Variants in MECOM observed in about 807,000 individuals in gnomAD.
MECOM encodes histone-lysine N-methyltransferase MECOM.
A neutral mutation model predicts 116.3 loss-of-function variants in MECOM; 13 were observed. The observed-to-expected ratio is 0.11, with a 90% confidence interval of 0.07 to 0.18. MECOM has a LOEUF of 0.18. MECOM is among the 10% of genes least tolerant of loss of function. The pLI is 1.00. For synonymous variants in MECOM, 528 were observed against 535.2 expected (o/e 0.99, Z 0.19); for missense variants, 1,299 against 1,509.0 (o/e 0.86, Z 2.31).
intron 2 of MECOM, among the ~76,000 whole-genome samples, chr3:169,237,471 T>G (rs1033366328): frequency 3.9e-5 from 6 of 152,120 alleles, no homozygotes; most frequent in African/African-American, 1.4e-4. Flanking sequence ...CATTCTCCAC[T>G]ACAGTTTTAT....
intron 2 of MECOM, among the ~76,000 whole-genome samples, chr3:169,298,310 T>C (rs1716027337): frequency 1.3e-5 from 2 of 152,184 alleles, no homozygotes; most frequent in South Asian, 2.1e-4. Context: ...AAGACACATA[T>C]GGTTCTCTCT....
chr3:169,498,093 T>C (rs538860904), intron 1 of MECOM, among the ~76,000 whole-genome samples: 109 of 152,312 alleles, frequency 7.2e-4, no homozygotes, highest in African/African-American at 2.6e-3. Flanking sequence ...TAATGTTTAA[T>C]CCAAGGAGCT....
In MECOM at chr3:169,569,298, T is replaced by G. The variant is rs1027538656; in HGVS notation, c.37+94038A>C. ...CAATGCAACAAGAAGAGCTAATATATGCACCCAATACAAGAGCACCCAGAT... is the reference window on the plus strand; with the variant it reads ...CAATGCAACAAGAAGAGCTAATATAGGCACCCAATACAAGAGCACCCAGAT... On this transcript the variant is annotated intron_variant, in intron 1 of 16. Coordinates refer to ENST00000651503, the MANE Select transcript of MECOM (RefSeq NM_004991.4). Among the ~76,000 whole-genome samples the G allele has an allele frequency of 2.0e-5, 3 of 151,860 alleles. No individual in the cohort carries two copies. The South Asian group carries it at 6.2e-4, about 31-fold the overall frequency.
At chr3:169,498,280 C>T (rs5004899) in intron 1 of MECOM, among the ~76,000 whole-genome samples, 7,508 of 152,126 alleles carry the variant, frequency 0.049, 416 homozygotes, top group East Asian at 0.31. Flanking sequence ...TTAAATCCCA[C>T]GAAAATAACA....
At chr3:169,186,988 G>A (rs758654622) in intron 2 of MECOM, among the ~76,000 whole-genome samples, 13 of 152,194 alleles carry the variant, frequency 8.5e-5, no homozygotes, top group Admixed American at 4.6e-4. Flanking sequence ...TCAGTAGGTA[G>A]TTAGGTGAAC....
chr3:169,102,251 T>G, intron 10 of MECOM, 25 bp from the exon 11 acceptor site: 1 of 1,589,896 alleles, frequency 6.3e-7, no homozygotes, highest in Non-Finnish European at 8.6e-7. Flanking sequence ...CACAAGACCA[T>G]GAAGCGTTTG....
At chr3:169,545,904 C>A (rs1251187628) in intron 1 of MECOM, among the ~76,000 whole-genome samples, 1 of 151,262 alleles carries the variant, frequency 6.6e-6, no homozygotes, top group South Asian at 2.1e-4. Flanking sequence ...CTTTTTTTTT[C>A]TTTTTCTAAT....
intron 1 of MECOM, among the ~76,000 whole-genome samples, chr3:169,434,983 A>C (rs549398559): frequency 3.9e-4 from 59 of 152,322 alleles, no homozygotes; most frequent in African/African-American, 1.4e-3. Context: ...AGGCTAGTAC[A>C]GTATGGGAAG....
chr3:169,294,410 G>C (rs1715195405), intron 2 of MECOM, among the ~76,000 whole-genome samples: 5 of 152,162 alleles, frequency 3.3e-5, no homozygotes, highest in Non-Finnish European at 7.3e-5. Context: ...TTTAACTAAT[G>C]TATTGATCAT....
chr3:169,634,026 G>A (rs1772421781), intron 1 of MECOM, among the ~76,000 whole-genome samples: 1 of 152,088 alleles, frequency 6.6e-6, no homozygotes, highest in Non-Finnish European at 1.5e-5. Context: ...ACAGAATGGG[G>A]CCATTCAGTG....
intron 5 of MECOM, among the ~76,000 whole-genome samples, chr3:169,125,712 G>A (rs139007716): frequency 8.0e-4 from 122 of 152,246 alleles, no homozygotes; most frequent in African/African-American, 2.9e-3. Flanking sequence ...GTCAGTCAGT[G>A]AGACTTCTCT....
chr3:169,314,015 T>TCAGA (rs1386062583), intron 2 of MECOM, among the ~76,000 whole-genome samples: 1 of 152,192 alleles, frequency 6.6e-6, no homozygotes, highest in Non-Finnish European at 1.5e-5. Context: ...AACAACAAAT[T>TCAGA]CAGAATGTAA....
intron 1 of MECOM, among the ~76,000 whole-genome samples, chr3:169,523,934 T>A (rs1052551946): frequency 6.8e-6 from 1 of 147,902 alleles, no homozygotes; most frequent in Non-Finnish European, 1.5e-5. Flanking sequence ...TATATATTAG[T>A]GTAATATATA....
chr3:169,591,276 C>T (rs1240381610), intron 1 of MECOM, among the ~76,000 whole-genome samples: 4 of 152,168 alleles, frequency 2.6e-5, no homozygotes, highest in Non-Finnish European at 5.9e-5. Context: ...ATACTTAAAT[C>T]AACAAAGTAG....
intron 12 of MECOM, among the ~76,000 whole-genome samples, chr3:169,097,528 G>A (rs538111520): frequency 2.0e-5 from 3 of 152,134 alleles, no homozygotes; most frequent in East Asian, 1.9e-4. Flanking sequence ...AAATAAAAAC[G>A]CTGAAGTGAG....
intron 1 of MECOM, among the ~76,000 whole-genome samples, chr3:169,608,801 C>A (rs1273108046): frequency 1.3e-5 from 2 of 152,200 alleles, no homozygotes; most frequent in African/African-American, 2.4e-5. Flanking sequence ...AAAACATGTT[C>A]TGCTCTGACT....
rs1717062288 is a variant in MECOM at position 169,084,559 on chromosome 3, G to A, written c.*350C>T. 1 of 266,868 alleles carries A rather than the reference G, an allele frequency of 3.7e-6. No individual in the cohort carries two copies. Among genetic ancestry groups the A allele is most frequent in the Non-Finnish European group, 7.2e-6 (1 of 139,652 alleles). The allele number at this position is 266,868 out of a possible 1,614,324, so 16.5% of individuals were successfully genotyped here. Reference sequence around the variant, plus strand: ...CTATGGAGTGTTCATTCATATCAATGCTGCCATCTCAACTGCCCTTCTCAC... The same window carrying A: ...CTATGGAGTGTTCATTCATATCAATACTGCCATCTCAACTGCCCTTCTCAC... On this transcript the variant is annotated 3_prime_UTR_variant, in exon 17 of 17. Coordinates refer to ENST00000651503, the MANE Select transcript of MECOM (RefSeq NM_004991.4).
chr3:169,658,690 T>C (rs1284359196), intron 1 of MECOM, among the ~76,000 whole-genome samples: 1 of 152,176 alleles, frequency 6.6e-6, no homozygotes, highest in Non-Finnish European at 1.5e-5. Context: ...CACGTCCATC[T>C]TGGGCCACTT....
At chr3:169,450,924 A>G (rs910563194) in intron 1 of MECOM, among the ~76,000 whole-genome samples, 2 of 152,196 alleles carry the variant, frequency 1.3e-5, no homozygotes, top group African/African-American at 4.8e-5. Flanking sequence ...AATCCAGAAT[A>G]TGGCATCCTA....
Sources: allele counts gnomAD v4.1 joint callset (sites outside exome capture counted in the v4.1 genomes callset), GRCh38; gene constraint gnomAD v4.1.1; transcripts MANE v1.5; gene names NCBI Gene and HGNC (gene_info 2026-07-23, HGNC 2026-07-21).